PPP1R13L: variants seen among roughly 807,000 people sequenced by gnomAD.
The protein encoded by PPP1R13L is relA-associated inhibitor.
In PPP1R13L, 50 loss-of-function variants were observed where a neutral mutation model predicts 80.9. That is an observed-to-expected ratio of 0.62 (90% CI 0.49 to 0.78). The LOEUF is 0.78. Among genes scored for constraint, PPP1R13L ranks in the 30% least tolerant of loss-of-function variants. PPP1R13L has a pLI of 0.00. For missense variants in PPP1R13L, 1,200 were observed against 1,205.9 expected (o/e 1.00, Z 0.07); for synonymous variants, 602 against 534.3 (o/e 1.13, Z -1.75).
chr19:45,404,093 CAGA>C (rs888123255), intron 1 of PPP1R13L, among the ~76,000 whole-genome samples: 9 of 152,128 alleles, frequency 5.9e-5, no homozygotes, highest in Admixed American at 1.3e-4. Context: ...CAGAGAGCTG[CAGA>C]AGAAGGAGGA....
intron 12 of PPP1R13L, among the ~76,000 whole-genome samples, chr19:45,380,929 A>G (rs954656335): frequency 4.0e-5 from 6 of 150,740 alleles, no homozygotes; most frequent in Non-Finnish European, 8.8e-5. Flanking sequence ...CCTAACCCTA[A>G]TAGAGAATTT....
chr19:45,404,543 G>C (rs1973292029), intron 1 of PPP1R13L, among the ~76,000 whole-genome samples: 1 of 152,146 alleles, frequency 6.6e-6, no homozygotes, highest in Non-Finnish European at 1.5e-5. Flanking sequence ...AGGAACCCAG[G>C]CTCCACTATC....
At chr19:45,403,690 C>G (rs748822393) in intron 1 of PPP1R13L, among the ~76,000 whole-genome samples, 2 of 152,192 alleles carry the variant, frequency 1.3e-5, no homozygotes, top group Non-Finnish European at 2.9e-5. Context: ...GCTTGGTACA[C>G]CCAGAGCCCT....
In PPP1R13L at chr19:45,392,011, GC is replaced by G; in HGVS notation, c.1683del (p.Pro562ArgfsTer75). 7 of 1,537,312 alleles carry G rather than the reference GC, an allele frequency of 4.6e-6. No individual in the cohort carries two copies. Among genetic ancestry groups the G allele is most frequent in the Admixed American group, 4.3e-5 (2 of 46,594 alleles). On this transcript the variant is annotated frameshift_variant, in exon 8 of 13. Coordinates refer to ENST00000360957, the MANE Select transcript of PPP1R13L (RefSeq NM_006663.4). LOFTEE classifies it high-confidence loss of function. The stretch of plus-strand genomic sequence containing the variant: ...GTGATGGGGGACAGCTCTGGCTCCG[GC>G]CCCCCGGGCCCTGGCCCCCCATGAC... ...FHRHGGPGPG[G>X]PEPELSPITE...
At position 45,397,472 on chromosome 19, in the gene PPP1R13L, CTCTTTCTTTCTTTCTT is replaced by C. The variant is rs71173161; in HGVS notation, c.199-430_199-415del. ...CCCTGCTTGCTTGCTTTCTCTCTCT[CTCTTTCTTTCTTTCTT>C]TCTTTCTTTCTTTCTTTCTTTCTTT... On this transcript the variant is annotated intron_variant, in intron 3 of 12. Transcript: ENST00000360957. 1.2e-3 allele frequency among the ~76,000 whole-genome samples: 98 copies of C among 83,400 alleles called. 1 individual carries two copies. The highest frequency in any genetic ancestry group is 3.9e-3 in the African/African-American group (81 of 20,880). The allele number at this position is 83,400 out of a possible 152,430, so 54.7% of individuals were successfully genotyped here. A position where few individuals can be genotyped will look rare whatever the true frequency, so the allele number is the denominator to read the frequency against.
intron 8 of PPP1R13L, among the ~76,000 whole-genome samples, 161 bp from the exon 9 acceptor site, chr19:45,386,341 C>CTAGA (rs910762070): frequency 3.3e-5 from 5 of 152,124 alleles, no homozygotes; most frequent in African/African-American, 1.2e-4. Flanking sequence ...CGATCTCCTC[C>CTAGA]TAGAGCCTCC....
intron 10 of PPP1R13L, 36 bp from the exon 11 acceptor site, chr19:45,385,764 C>T (rs374207224): frequency 6.2e-6 from 10 of 1,607,814 alleles, no homozygotes; most frequent in Admixed American, 1.7e-5. Flanking sequence ...GGGAACGATG[C>T]GTGAGAGGCT....
At chr19:45,382,877 C>T (rs567520298) in intron 11 of PPP1R13L, 151 bp from the exon 12 acceptor site, 7 of 726,568 alleles carry the variant, frequency 9.6e-6, no homozygotes, top group Middle Eastern at 2.6e-4. Flanking sequence ...GGATGGGAAC[C>T]GGAGCTGGAG....
chr19:45,383,571 AG>A (rs1413083108), intron 11 of PPP1R13L, among the ~76,000 whole-genome samples: 2 of 152,094 alleles, frequency 1.3e-5, no homozygotes, highest in Non-Finnish European at 2.9e-5. Flanking sequence ...CTGGGATTAC[AG>A]GCGTGAGCCA....
rs1257119796 is a variant in PPP1R13L, at chr19:45,382,601, C to T, written c.2374G>A (p.Gly792Arg). ...CACCACCAGTCGGTCTCCTCCGGCC[C>T]GTCCCTCCGCAGCACGGTGACCGAC... is the stretch of plus-strand genomic sequence containing the variant. The part of the protein sequence containing the change: ...GESVTVLRRD[G>R]PEETDWWWAA... The change falls in exon 12 of 13, where the codon GGG (glycine) becomes AGG (arginine). Residue 792 changes from glycine (G) to arginine (R), a missense_variant. Gly to Arg is a moderately radical substitution (Grantham distance 125). This residue lies in a region of PPP1R13L where 165 missense variants were observed against 177.1 expected (regional missense o/e 0.93). Transcript: ENST00000360957. 4 of 1,613,522 alleles carry T rather than the reference C, an allele frequency of 2.5e-6. No homozygotes were observed. Among genetic ancestry groups the T allele is most frequent in the African/African-American group, 1.3e-5 (1 of 74,946 alleles).
intron 8 of PPP1R13L, among the ~76,000 whole-genome samples, chr19:45,390,718 G>A (rs1050189059): frequency 6.6e-6 from 1 of 152,026 alleles, no homozygotes; most frequent in Non-Finnish European, 1.5e-5. Flanking sequence ...TCCTGCTACA[G>A]AATTACAGGC....
At chr19:45,382,823 C>A in intron 11 of PPP1R13L, 97 bp from the exon 12 acceptor site, 1 of 1,154,322 alleles carries the variant, frequency 8.7e-7, no homozygotes, top group Non-Finnish European at 1.3e-6. Flanking sequence ...AATTTGGCGC[C>A]TGTCCCAGCA....
At chr19:45,393,011 C>CAAAAAGAA (rs1973009189) in intron 7 of PPP1R13L, 1 of 44,946 alleles carries the variant, frequency 2.2e-5, no homozygotes, top group South Asian at 9.5e-4. Context: ...ACTAAAAATA[C>CAAAAAGAA]AAAAAAAAAA....
chr19:45,396,798 G>C lies in PPP1R13L; in HGVS notation c.459C>G (p.Leu153=). 1 of 1,405,640 alleles carries C rather than the reference G, an allele frequency of 7.1e-7. No homozygotes were observed. The highest frequency in any genetic ancestry group is 9.2e-7 in the Non-Finnish European group (1 of 1,088,982). The allele number at this position is 1,405,640 out of a possible 1,614,324, so 87.1% of individuals were successfully genotyped here. The change falls in exon 4 of 13, where the codon CTC becomes CTG. Residue 153 remains leucine, a synonymous_variant. Transcript: ENST00000360957. This position sits in a 1 kb window ranked among gnomAD's most constrained non-coding sequence, Gnocchi z 5.3. ...CGGGCCGCGGGGAGGGCGCACGGCC[G>C]AGGGAGCTGCCTGCGCCATCGAAGG... ...PRAFDGAGSS[L]GRAPSPRPGP... is the part of the protein sequence containing the mutation.
In PPP1R13L at chr19:45,396,086, G is replaced by A; in HGVS notation, c.903+82C>T. On this transcript the variant is annotated intron_variant, in intron 6 of 12. Transcript: ENST00000360957. The surrounding 1 kb of genome is among the most constrained non-coding windows in gnomAD (Gnocchi z 5.3). The stretch of plus-strand genomic sequence containing the variant: ...CCGAGACCCAGATCGCAGCCCCGAG[G>A]GGGAGACTGGCCTTGACCCCGCTCC... 5 of 1,471,552 alleles carry A rather than the reference G, an allele frequency of 3.4e-6. No individual in the cohort carries two copies. The highest frequency in any genetic ancestry group is 4.6e-6 in the Non-Finnish European group (5 of 1,088,912). 91.2% of individuals were successfully genotyped at this position (1,471,552 alleles called of 1,614,324 possible).
chr19:45,390,034 G>A (rs1364786814), intron 8 of PPP1R13L, among the ~76,000 whole-genome samples: 1 of 151,758 alleles, frequency 6.6e-6, no homozygotes, highest in Non-Finnish European at 1.5e-5. Context: ...TTCGTGATCC[G>A]CCCGCCTCGG....
chr19:45,402,800 C>T (rs888526235), intron 1 of PPP1R13L, among the ~76,000 whole-genome samples: 8 of 152,226 alleles, frequency 5.3e-5, no homozygotes, highest in African/African-American at 1.9e-4. Context: ...TCCGCTCCAC[C>T]CCTGGCTCTC....
At position 45,386,053 on chromosome 19, in the gene PPP1R13L, T is replaced by C; in HGVS notation, c.1943A>G (p.Lys648Arg). ...CTCCCGCTCAGCAGCGCTCACCTCC[T>C]TCACCGCCTGCTGCACCACCTCCAG... ...GELEVVQQAVKEMNDPSQPNE... is the reference protein window; with the variant it reads ...GELEVVQQAVREMNDPSQPNE... Residue 648 changes from lysine to arginine, a missense_variant, in exon 9 of 13, where the codon AAG (lysine) becomes AGG (arginine). Around this residue, in one of 5 missense-constraint regions of PPP1R13L, gnomAD observed 214 missense variants for 199.6 expected, o/e 1.07. Transcript: ENST00000360957. 6.3e-7 allele frequency: 1 copy of C among 1,587,712 alleles called. No homozygotes were observed. Among genetic ancestry groups the C allele is most frequent in the Non-Finnish European group, 8.5e-7 (1 of 1,169,942 alleles).
rs1362417121 is a variant in PPP1R13L at position 45,385,860 on chromosome 19, G to A, written c.2045C>T (p.Ala682Val). 6.2e-7 allele frequency: 1 copy of A among 1,610,824 alleles called. No individual in the cohort carries two copies. Among genetic ancestry groups the A allele is most frequent in the Non-Finnish European group, 8.5e-7 (1 of 1,178,746 alleles). ...GTCGGGGGAGTTGACATTGGCACCC[G>A]CGGTGATGAGGAAATCCACGATAGA... is the stretch of plus-strand genomic sequence containing the variant. ...NYSIVDFLITAGANVNSPDSH... is the reference protein window; with the variant it reads ...NYSIVDFLITVGANVNSPDSH... Residue 682 changes from alanine to valine, a missense_variant, in exon 10 of 13, where the codon GCG becomes GTG. Physicochemically the swap from Ala to Val is moderately conservative, Grantham distance 64. Coordinates refer to ENST00000360957, the MANE Select transcript of PPP1R13L (RefSeq NM_006663.4).
Sources: allele counts gnomAD v4.1 joint callset (sites outside exome capture counted in the v4.1 genomes callset), GRCh38; gene constraint gnomAD v4.1.1; regional missense constraint gnomAD v4.1.1; non-coding constraint Gnocchi (gnomAD v3.1); transcripts MANE v1.5; gene names NCBI Gene and HGNC (gene_info 2026-07-23, HGNC 2026-07-21).